PRR16: variants seen among roughly 807,000 people sequenced by gnomAD.
PRR16 encodes the protein protein Largen.
In PRR16, 6 loss-of-function variants were observed where a neutral mutation model predicts 18.2. That is an observed-to-expected ratio of 0.33 (90% CI 0.18 to 0.65). The LOEUF (loss-of-function observed/expected upper bound fraction) is 0.65. PRR16 is among the 30% of genes least tolerant of loss of function. PRR16 has a pLI of 0.74. For missense variants in PRR16, 412 were observed against 376.6 expected, an observed-to-expected ratio of 1.09 and a Z score of -0.78; for synonymous variants, 151 against 147.8, an observed-to-expected ratio of 1.02 and a Z score of -0.16.
chr5:120,667,593 G>T (rs919988512), intron 1 of PRR16, among the ~76,000 whole-genome samples: 2 of 151,118 alleles, frequency 1.3e-5, no homozygotes, highest in African/African-American at 4.9e-5. Flanking sequence ...TGGGCATTTA[G>T]TGCTATAAAT....
chr5:120,692,608 C>G, the PRR16 span, among the ~76,000 whole-genome samples: 1 of 152,060 alleles, frequency 6.6e-6, no homozygotes, highest in Non-Finnish European at 1.5e-5. Context: ...GGGTGTGGGC[C>G]CAAGTCATAC....
At chr5:120,481,077 C>T in intron 1 of PRR16, 1 of 1,168,204 alleles carries the variant, frequency 8.6e-7, no homozygotes, top group South Asian at 1.6e-5. Flanking sequence ...TTTGGCCCAT[C>T]TAATTCCCTT....
chr5:120,499,930 C>A (rs1483281985), intron 1 of PRR16, among the ~76,000 whole-genome samples: 2 of 152,158 alleles, frequency 1.3e-5, no homozygotes, highest in Non-Finnish European at 2.9e-5. Flanking sequence ...TCCCAACACT[C>A]TTCTGTTAAC....
chr5:120,748,339 T>G, the PRR16 span, among the ~76,000 whole-genome samples: 2 of 152,122 alleles, frequency 1.3e-5, no homozygotes, highest in African/African-American at 4.8e-5. Context: ...TTGCTTTACT[T>G]TTGACAAACT....
intron 1 of PRR16, among the ~76,000 whole-genome samples, chr5:120,541,142 A>T (rs767389918): frequency 1.3e-4 from 20 of 151,812 alleles, no homozygotes; most frequent in Non-Finnish European, 2.6e-4. Flanking sequence ...GTTGTTGTTT[A>T]TTTTTGTTTC....
chr5:120,766,342 T>A, the PRR16 span, among the ~76,000 whole-genome samples: 6 of 152,158 alleles, frequency 3.9e-5, no homozygotes, highest in African/African-American at 1.4e-4. Context: ...ATTTTTCTTT[T>A]TCTTAATAAA....
intron 1 of PRR16, among the ~76,000 whole-genome samples, chr5:120,564,854 C>T (rs1014259419): frequency 1.2e-4 from 18 of 151,860 alleles, no homozygotes; most frequent in South Asian, 2.1e-4. Flanking sequence ...GGTGTGGTGG[C>T]GGGCGCCTGT....
intron 1 of PRR16, among the ~76,000 whole-genome samples, chr5:120,619,162 G>A (rs1004749539): frequency 6.6e-6 from 1 of 152,066 alleles, no homozygotes; most frequent in Admixed American, 6.6e-5. Flanking sequence ...ATTACGTGAT[G>A]CCCCACACAT....
chr5:120,691,313 A>G (rs917691418), downstream of PRR16, among the ~76,000 whole-genome samples: 1 of 152,116 alleles, frequency 6.6e-6, no homozygotes, highest in African/African-American at 2.4e-5. Flanking sequence ...GGGTTACCTA[A>G]TGTTGTTTTG....
chr5:120,561,827 C>G (rs1752583994), intron 1 of PRR16, among the ~76,000 whole-genome samples: 1 of 152,128 alleles, frequency 6.6e-6, no homozygotes, highest in South Asian at 2.1e-4. Context: ...CTCATTCTTT[C>G]TCTTGCCACT....
At chr5:120,613,371 A>T (rs1489708965) in intron 1 of PRR16, among the ~76,000 whole-genome samples, 1 of 151,374 alleles carries the variant, frequency 6.6e-6, no homozygotes, top group African/African-American at 2.4e-5. Context: ...TTCATAATTT[A>T]TTTTTTTTCT....
chr5:120,764,672 G>T, the PRR16 span, among the ~76,000 whole-genome samples: 1 of 146,728 alleles, frequency 6.8e-6, no homozygotes, highest in Non-Finnish European at 1.5e-5. Context: ...GTTGACAACT[G>T]AAGAATGCAA....
At chr5:120,732,174 C>T in the PRR16 span, among the ~76,000 whole-genome samples, 2 of 152,184 alleles carry the variant, frequency 1.3e-5, no homozygotes, top group South Asian at 2.1e-4. Flanking sequence ...GAGATATCCT[C>T]CTCAGAGTAA....
chr5:120,519,676 C>G (rs1186738176), intron 1 of PRR16, among the ~76,000 whole-genome samples: 1 of 152,038 alleles, frequency 6.6e-6, no homozygotes, highest in African/African-American at 2.4e-5. Flanking sequence ...TCTCAGGAAG[C>G]TATTGTATGT....
At chr5:120,692,161 C>G (rs1003317319), downstream of PRR16, among the ~76,000 whole-genome samples, 50 of 152,166 alleles carry the variant, frequency 3.3e-4, no homozygotes, top group African/African-American at 1.2e-3. Context: ...TGAACATCAT[C>G]GTTTTCTGGA....
In PRR16 at chr5:120,475,036, TGAC is replaced by T. The variant is rs367932295; in HGVS notation, c.159+10394_159+10396del. On this transcript the variant is annotated intron_variant, in intron 1 of 1. Coordinates refer to ENST00000407149, the MANE Select transcript of PRR16 (RefSeq NM_001300783.2). ...GGGGACAAATTATAGATGATGATGA[TGAC>T]GATGATGATGATACAGATGACTGAC... 3.1e-3 allele frequency among the ~76,000 whole-genome samples: 468 copies of T among 152,306 alleles called. 5 individuals are homozygous for T. The highest frequency in any genetic ancestry group is 0.011 in the African/African-American group (453 of 41,562).
At chr5:120,576,849 G>A (rs191242457) in intron 1 of PRR16, among the ~76,000 whole-genome samples, 1 of 152,046 alleles carries the variant, frequency 6.6e-6, no homozygotes, top group Non-Finnish European at 1.5e-5. Flanking sequence ...GCCACCTGCA[G>A]GTCTTGAGAG....
At chr5:120,518,564 CT>C (rs370413378) in intron 1 of PRR16, among the ~76,000 whole-genome samples, 31,832 of 143,120 alleles carry the variant, frequency 0.22, 3,478 homozygotes, top group African/African-American at 0.28. Flanking sequence ...TCATTAAAAT[CT>C]TTTTTTTTTT....
intron 1 of PRR16, among the ~76,000 whole-genome samples, chr5:120,595,500 G>A (rs111484858): frequency 3.2e-4 from 49 of 152,066 alleles, no homozygotes; most frequent in African/African-American, 1.2e-3. Context: ...ACTGCTAGTG[G>A]CAGTGTAAAT....
Sources: allele counts gnomAD v4.1 joint callset (sites outside exome capture counted in the v4.1 genomes callset), GRCh38; gene constraint gnomAD v4.1.1; transcripts MANE v1.5; gene names NCBI Gene and HGNC (gene_info 2026-07-23, HGNC 2026-07-21).